Variants in KLHL29 observed in about 807,000 individuals in gnomAD.
KLHL29 encodes kelch-like protein 29.
A neutral mutation model predicts 80.4 loss-of-function variants in KLHL29; 21 were observed. The ratio of observed to expected loss-of-function variants is 0.26; its 90% confidence interval spans 0.19 to 0.38. The LOEUF (loss-of-function observed/expected upper bound fraction) is 0.38, where lower values mean the gene tolerates loss of function less well. KLHL29 is among the 10% of genes least tolerant of loss of function. The probability of loss-of-function intolerance (pLI) is 1.00; values close to 1 mark genes in which losing one functional copy is unlikely to be tolerated. For missense variants in KLHL29, 867 were observed against 1,223.9 expected (o/e 0.71, Z 4.35); for synonymous variants, 511 against 526.8 (o/e 0.97, Z 0.41).
At chr2:23,422,277 A>G (rs549849057) in intron 1 of KLHL29, among the ~76,000 whole-genome samples, 2 of 146,072 alleles carry the variant, frequency 1.4e-5, no homozygotes, top group South Asian at 2.2e-4. Context: ...GTGCCTATGT[A>G]TCTGTGTGTC....
At chr2:23,673,460 TACAC>T in intron 5 of KLHL29, among the ~76,000 whole-genome samples, 1 of 142,814 alleles carries the variant, frequency 7.0e-6, no homozygotes, top group Non-Finnish European at 1.5e-5. Context: ...CTCTCACACA[TACAC>T]ACATGGGCAC....
chr2:23,455,402 G>C (rs1294817234), intron 1 of KLHL29, among the ~76,000 whole-genome samples: 3 of 152,174 alleles, frequency 2.0e-5, no homozygotes, highest in Non-Finnish European at 4.4e-5. Flanking sequence ...TATCATTACT[G>C]TTGTTATCAA....
chr2:23,683,652 C>T (rs541847152), intron 5 of KLHL29, among the ~76,000 whole-genome samples: 41 of 152,306 alleles, frequency 2.7e-4, no homozygotes, highest in African/African-American at 9.6e-4. Flanking sequence ...TGGGAGCCTC[C>T]GAGGCCACTT....
chr2:23,565,515 C>G (rs954997704), intron 3 of KLHL29, among the ~76,000 whole-genome samples: 2 of 152,200 alleles, frequency 1.3e-5, no homozygotes, highest in Admixed American at 6.5e-5. Flanking sequence ...CAAGAGGGAG[C>G]TGGGGGGAAG....
chr2:23,658,166 C>T (rs1268298870), intron 5 of KLHL29, among the ~76,000 whole-genome samples: 1 of 152,064 alleles, frequency 6.6e-6, no homozygotes, highest in Non-Finnish European at 1.5e-5. Flanking sequence ...CCACCCTACT[C>T]ACACCCTTCA....
chr2:23,578,931 C>G (rs1265580743), intron 3 of KLHL29, among the ~76,000 whole-genome samples: 1 of 152,172 alleles, frequency 6.6e-6, no homozygotes, highest in Non-Finnish European at 1.5e-5. Flanking sequence ...TAAAGGAATC[C>G]CAAAGTCAGG....
At chr2:23,434,320 C>CAAAAAAAA (rs34991893) in intron 1 of KLHL29, among the ~76,000 whole-genome samples, 2 of 54,912 alleles carry the variant, frequency 3.6e-5, no homozygotes, top group African/African-American at 8.0e-5. Flanking sequence ...GACTCCGTCT[C>CAAAAAAAA]AAAAAAAAAA....
chr2:23,402,037 T>TA (rs1666609526), intron 1 of KLHL29, among the ~76,000 whole-genome samples: 1 of 152,192 alleles, frequency 6.6e-6, no homozygotes, highest in African/African-American at 2.4e-5. Flanking sequence ...ATTTTGCACT[T>TA]TCAACAGTCG....
chr2:23,640,765 C>G (rs1476496179), intron 4 of KLHL29, among the ~76,000 whole-genome samples: 2 of 152,260 alleles, frequency 1.3e-5, no homozygotes, highest in Non-Finnish European at 2.9e-5. Flanking sequence ...GAGGAGGAAA[C>G]TGGCTCGGGA....
At chr2:23,694,351 C>T (rs1417427763) in intron 8 of KLHL29, among the ~76,000 whole-genome samples, 1 of 152,208 alleles carries the variant, frequency 6.6e-6, no homozygotes, top group Non-Finnish European at 1.5e-5. Context: ...AGTGGATCGA[C>T]TTCCCTCTCC....
At chr2:23,633,404 T>C (rs574846440) in intron 3 of KLHL29, among the ~76,000 whole-genome samples, 4 of 152,250 alleles carry the variant, frequency 2.6e-5, no homozygotes, top group Admixed American at 2.6e-4. Flanking sequence ...ATGTCAAGAG[T>C]AAGGCACAAA....
chr2:23,619,555 T>C (rs1056921513), intron 3 of KLHL29, among the ~76,000 whole-genome samples: 1 of 152,128 alleles, frequency 6.6e-6, no homozygotes, highest in South Asian at 2.1e-4. Flanking sequence ...GTGCCCATGA[T>C]AACAGCAGAG....
intron 1 of KLHL29, among the ~76,000 whole-genome samples, chr2:23,419,101 T>C (rs563874567): frequency 2.0e-5 from 3 of 152,268 alleles, no homozygotes; most frequent in African/African-American, 7.2e-5. Flanking sequence ...TAGTAAATTG[T>C]CCTACTGACT....
chr2:23,574,549 G>C (rs1199513608), intron 3 of KLHL29, among the ~76,000 whole-genome samples: 2 of 152,192 alleles, frequency 1.3e-5, no homozygotes, highest in African/African-American at 4.8e-5. Context: ...GGCGTGGAGG[G>C]AAGGGACAGG....
chr2:23,703,903 G>A, intron 13 of KLHL29, 40 bp downstream of exon 13: 3 of 1,516,830 alleles, frequency 2.0e-6, no homozygotes, highest in African/African-American at 1.4e-5. Flanking sequence ...TGGGACGGAG[G>A]AGTGGGAGGA....
chr2:23,560,426 A>G (rs1000910915), intron 2 of KLHL29, among the ~76,000 whole-genome samples: 1 of 151,790 alleles, frequency 6.6e-6, no homozygotes, highest in Non-Finnish European at 1.5e-5. Context: ...ACGTGCTGCC[A>G]CTCCCAACTA....
intron 1 of KLHL29, among the ~76,000 whole-genome samples, chr2:23,424,363 G>A (rs1185267186): frequency 1.3e-5 from 2 of 152,082 alleles, no homozygotes; most frequent in East Asian, 1.9e-4. Context: ...AATCAGACTC[G>A]GTCACCATTT....
intron 3 of KLHL29, among the ~76,000 whole-genome samples, chr2:23,627,343 C>G (rs1669341338): frequency 6.6e-6 from 1 of 152,246 alleles, no homozygotes; most frequent in Non-Finnish European, 1.5e-5. Flanking sequence ...ACACGTGGCT[C>G]TCATTACAGA....
At chr2:23,532,789 G>T (rs1457532885) in intron 2 of KLHL29, among the ~76,000 whole-genome samples, 1 of 152,150 alleles carries the variant, frequency 6.6e-6, no homozygotes, top group African/African-American at 2.4e-5. Context: ...GAGACTGTTC[G>T]CCACAGGCCT....
Sources: allele counts gnomAD v4.1 joint callset (sites outside exome capture counted in the v4.1 genomes callset), GRCh38; gene constraint gnomAD v4.1.1; transcripts MANE v1.5; gene names NCBI Gene and HGNC (gene_info 2026-07-23, HGNC 2026-07-21).